The following OSBPL5 variants were observed in gnomAD, a reference collection of about 807,000 sequenced individuals.
OSBPL5 encodes oxysterol binding protein like 5.
In OSBPL5, 71 loss-of-function variants were observed where a neutral mutation model predicts 111.2. That is an observed-to-expected ratio of 0.64 (90% CI 0.53 to 0.78). The LOEUF (loss-of-function observed/expected upper bound fraction) is 0.78, where lower values mean the gene tolerates loss of function less well. Ranked by LOEUF, OSBPL5 falls within the 30% of genes least tolerant of loss-of-function variation. The probability of loss-of-function intolerance (pLI) is 0.00; values close to 1 mark genes in which losing one functional copy is unlikely to be tolerated. For synonymous variants in OSBPL5, 549 were observed against 513.9 expected (o/e 1.07, Z -0.93); for missense variants, 1,210 against 1,189.3 (o/e 1.02, Z -0.26).
intron 13 of OSBPL5, 124 bp from the exon 14 acceptor site, chr11:3,100,380 G>A (rs936930060): frequency 1.3e-6 from 1 of 772,736 alleles, no homozygotes; most frequent in African/African-American, 1.7e-5. Flanking sequence ...ACTTCCAGTG[G>A]TGTGTCTGTG....
chr11:3,102,090 G>A (rs1463787643), intron 12 of OSBPL5, 93 bp downstream of exon 12: 59 of 1,349,474 alleles, frequency 4.4e-5, no homozygotes, highest in Middle Eastern at 2.4e-4. Flanking sequence ...TCGGGGTCAC[G>A]CTTGCCCCTG....
chr11:3,164,903 G>C (rs975238795), intron 1 of OSBPL5, among the ~76,000 whole-genome samples: 4 of 151,982 alleles, frequency 2.6e-5, no homozygotes, highest in Non-Finnish European at 4.4e-5. Context: ...GTGGGGAGCC[G>C]AGCTGGGCGC....
chr11:3,129,262 CCT>C, intron 1 of OSBPL5, 93 bp from the exon 2 acceptor site: 1 of 1,204,834 alleles, frequency 8.3e-7, no homozygotes, highest in Non-Finnish European at 1.1e-6. Context: ...AAGAAGTCCC[CCT>C]CTCAGGGGAC....
In OSBPL5 at chr11:3,126,386, C is replaced by T. The variant is rs1052469916; in HGVS notation, c.219+87G>A. On this transcript the variant is annotated intron_variant, in intron 3 of 21. Coordinates refer to ENST00000263650, the MANE Select transcript of OSBPL5 (RefSeq NM_020896.4). The surrounding 1 kb of genome is among the most constrained non-coding windows in gnomAD (Gnocchi z 6.5). ...GGCTGGAATGGCAGGCTCAGCTGGA[C>T]GCCCTGCTGTCCTTTTCCCCAGCCG... The T allele has an allele frequency of 1.9e-5, 23 of 1,208,452 alleles. No homozygotes were observed. The highest frequency in any genetic ancestry group is 6.2e-5 in the African/African-American group (4 of 64,720). 74.9% of individuals were successfully genotyped at this position (1,208,452 alleles called of 1,614,324 possible).
rs1857868201 is a variant in OSBPL5 at position 3,110,191 on chromosome 11, T to C, written c.692-2246A>G. ...CGGAGCCCCGTGGTCAAGGCCAGACTGCTTTAGGTCTGCACCACCGGCGGG... is the reference window on the plus strand; with the variant it reads ...CGGAGCCCCGTGGTCAAGGCCAGACCGCTTTAGGTCTGCACCACCGGCGGG... On this transcript the variant is annotated intron_variant, in intron 7 of 21. Transcript: ENST00000263650. The surrounding 1 kb of genome is among the most constrained non-coding windows in gnomAD (Gnocchi z 5.3). Among the ~76,000 whole-genome samples the C allele has an allele frequency of 6.6e-6, 1 of 152,142 alleles. No homozygotes were observed. Among genetic ancestry groups the C allele is most frequent in the Non-Finnish European group, 1.5e-5 (1 of 68,008 alleles).
At chr11:3,102,082 G>A (rs1011641727) in intron 12 of OSBPL5, 101 bp downstream of exon 12, 12 of 1,245,138 alleles carry the variant, frequency 9.6e-6, no homozygotes, top group East Asian at 5.1e-5. Context: ...GCCGGCCCTC[G>A]GGGTCACGCT....
At position 3,105,367 on chromosome 11, in the gene OSBPL5, G is replaced by A. The variant is rs1403796628; in HGVS notation, c.1060-990C>T. On this transcript the variant is annotated intron_variant, in intron 9 of 21. Transcript: ENST00000263650. This position sits in a 1 kb window ranked among gnomAD's most constrained non-coding sequence, Gnocchi z 5.2. ...GCACGCATGGCCACGGACAGATCCT[G>A]GTGGCACTGGCCCAGTGGACAGTGT... Among the ~76,000 whole-genome samples the A allele has an allele frequency of 6.6e-6, 1 of 152,122 alleles. No homozygotes were observed. The highest frequency in any genetic ancestry group is 2.4e-5 in the African/African-American group (1 of 41,424).
chr11:3,108,450 C>T (rs994890779), intron 7 of OSBPL5, among the ~76,000 whole-genome samples: 24 of 152,242 alleles, frequency 1.6e-4, no homozygotes, highest in South Asian at 1.0e-3. Flanking sequence ...GGGCTCCTGC[C>T]AGCCTGGAGT....
intron 7 of OSBPL5, among the ~76,000 whole-genome samples, chr11:3,115,372 T>C (rs1858174988): frequency 6.6e-6 from 1 of 152,236 alleles, no homozygotes; most frequent in Non-Finnish European, 1.5e-5. Flanking sequence ...GACATTGAGT[T>C]ACAGGGATTT....
At chr11:3,127,917 G>C (rs1439263601) in intron 2 of OSBPL5, among the ~76,000 whole-genome samples, 4 of 152,266 alleles carry the variant, frequency 2.6e-5, no homozygotes, top group African/African-American at 9.6e-5. Context: ...GCACCGCCTG[G>C]GCCAGTTGCT....
chr11:3,122,345 C>T lies in OSBPL5; in HGVS notation c.300+3G>A, dbSNP rs1371531240. 1 of 1,612,954 alleles carries T rather than the reference C, an allele frequency of 6.2e-7. No homozygotes were observed. The highest frequency in any genetic ancestry group is 1.1e-5 in the South Asian group (1 of 90,942). ...GCTGCACCCTCCCCGGGCCCGGGCT[C>T]ACCTTGAGAGTCTCCTTCTTGGTGA... On this transcript the variant is annotated splice_donor_region_variant and intron_variant, in intron 4 of 21. Transcript: ENST00000263650.
At position 3,158,349 on chromosome 11, in the gene OSBPL5, G is replaced by C. The variant is rs542885998; in HGVS notation, c.-22+6867C>G. On this transcript the variant is annotated intron_variant, in intron 1 of 21. Transcript: ENST00000263650. Reference sequence around the variant, plus strand: ...TGGCTGCTCTTTTCCTCTGCCCCAAGGAGATCAGAGGGTGCCACGTGGGAG... The same window carrying C: ...TGGCTGCTCTTTTCCTCTGCCCCAACGAGATCAGAGGGTGCCACGTGGGAG... Among the ~76,000 whole-genome samples, 16 of 152,396 alleles carry C rather than the reference G, an allele frequency of 1.0e-4. 1 individual carries two copies. Among genetic ancestry groups the C allele is most frequent in the African/African-American group, 3.4e-4 (14 of 41,600 alleles).
rs954924239 is a variant in OSBPL5, at chr11:3,161,404, C to T, written c.-22+3812G>A. On this transcript the variant is annotated intron_variant, in intron 1 of 21. Transcript: ENST00000263650. The surrounding 1 kb of genome is among the most constrained non-coding windows in gnomAD (Gnocchi z 8.0). ...GAGCATGGAGGAAATGAGCTGGTCACGTCCCACACCAGCCGATGCTGGTGA... is the reference window on the plus strand; with the variant it reads ...GAGCATGGAGGAAATGAGCTGGTCATGTCCCACACCAGCCGATGCTGGTGA... 3 of 152,344 alleles carry T rather than the reference C, an allele frequency of 2.0e-5. No individual in the cohort carries two copies. The highest frequency in any genetic ancestry group is 3.9e-4 in the East Asian group (2 of 5,170). The allele number at this position is 152,344 out of a possible 1,614,324, so 9.4% of individuals were successfully genotyped here.
intron 1 of OSBPL5, among the ~76,000 whole-genome samples, chr11:3,148,613 C>G (rs1289288271): frequency 6.6e-6 from 1 of 152,234 alleles, no homozygotes; most frequent in Non-Finnish European, 1.5e-5. Context: ...TTTTGTACAT[C>G]TTTGACATTT....
chr11:3,088,402 A>G, intron 21 of OSBPL5, 59 bp from the exon 22 acceptor site: 7 of 1,424,008 alleles, frequency 4.9e-6, no homozygotes, highest in East Asian at 2.7e-5. Context: ...TCCCCCTCCC[A>G]CAAGCCAGGA....
chr11:3,127,873 T>C (rs1564847286), intron 2 of OSBPL5, among the ~76,000 whole-genome samples: 1 of 152,084 alleles, frequency 6.6e-6, no homozygotes, highest in Admixed American at 6.5e-5. Context: ...ACCGCCTCCA[T>C]TCCTCGGAAA....
chr11:3,093,971 A>T (rs1048200001), intron 15 of OSBPL5, 136 bp from the exon 16 acceptor site: 2 of 1,103,040 alleles, frequency 1.8e-6, no homozygotes, highest in South Asian at 1.5e-5. Context: ...ACCCTCGCCA[A>T]CGAGGCCTTC....
Position 3,142,836 on chromosome 11 carries a change from C to G in OSBPL5, c.-21-13667G>C, listed in dbSNP as rs1046570746. ...TGCGGGTAGAAGGGCAGTGACTGCC[C>G]ACTCCTTGCACACAAGGAAACAGTG... On this transcript the variant is annotated intron_variant, in intron 1 of 21. Transcript: ENST00000263650. The surrounding 1 kb of genome is among the most constrained non-coding windows in gnomAD (Gnocchi z 7.1). Among the ~76,000 whole-genome samples, 1 of 151,864 alleles carries G rather than the reference C, an allele frequency of 6.6e-6. No individual in the cohort carries two copies. Among genetic ancestry groups the G allele is most frequent in the Non-Finnish European group, 1.5e-5 (1 of 67,966 alleles).
At chr11:3,091,625 C>A (rs2134381476) in intron 19 of OSBPL5, among the ~76,000 whole-genome samples, 1 of 152,152 alleles carries the variant, frequency 6.6e-6, no homozygotes, top group East Asian at 1.9e-4. Flanking sequence ...TGGCCTGAGC[C>A]CGGGGGGATG....
Sources: gnomAD v4.1 joint callset for allele counts (sites outside exome capture counted in the v4.1 genomes callset) on GRCh38, gnomAD v4.1.1 for gene constraint, Gnocchi (gnomAD v3.1) non-coding constraint, MANE v1.5 for transcripts, NCBI Gene and HGNC (gene_info 2026-07-23, HGNC 2026-07-21) for gene names.